AIMP1: variants seen among roughly 807,000 people sequenced by gnomAD.
AIMP1 encodes the protein aminoacyl tRNA synthetase complex interacting multifunctional protein 1.
In AIMP1, 24 loss-of-function variants were observed where a neutral mutation model predicts 33.1. That is an observed-to-expected ratio of 0.73 (90% confidence interval 0.53 to 1.02). The LOEUF (loss-of-function observed/expected upper bound fraction) is 1.02, where lower values mean the gene tolerates loss of function less well. Ranked by LOEUF, AIMP1 falls within the 50% of genes least tolerant of loss-of-function variation. AIMP1 has a pLI of 0.00. For synonymous variants in AIMP1, 120 were observed against 121.5 expected (o/e 0.99, Z 0.08); for missense variants, 367 against 364.8 (o/e 1.01, Z -0.05).
At chr4:106,339,683 G>C (rs766946663) in intron 6 of AIMP1, among the ~76,000 whole-genome samples, 5 of 152,206 alleles carry the variant, frequency 3.3e-5, no homozygotes, top group Non-Finnish European at 7.3e-5. Context: ...TAATACCAGC[G>C]TAGCAGAAAA....
rs900417199 is a variant in AIMP1, at chr4:106,347,813, C to G, written c.*121C>G. 2.0e-5 allele frequency: 21 copies of G among 1,043,162 alleles called. No homozygotes were observed. The highest frequency in any genetic ancestry group is 3.2e-5 in the African/African-American group (2 of 62,014). 64.6% of individuals were successfully genotyped at this position (1,043,162 alleles called of 1,614,324 possible). The stretch of plus-strand genomic sequence containing the variant: ...TTGCATTACTCTCTTCTAGACTTGA[C>G]TAGTCATTTACTTGGTATATATTGT... On this transcript the variant is annotated 3_prime_UTR_variant, in exon 7 of 7. Transcript: ENST00000672341.
rs1167197420 is a variant in AIMP1 at position 106,328,255 on chromosome 4, C to T, written c.391+12C>T. Reference sequence around the variant, plus strand: ...AATTGAAAAGAAAGGTATTTTTGACCTTTAAGCATATTTAGCTCTTGACTG... The same window carrying T: ...AATTGAAAAGAAAGGTATTTTTGACTTTTAAGCATATTTAGCTCTTGACTG... On this transcript the variant is annotated intron_variant, in intron 4 of 6. Transcript: ENST00000672341. 2.5e-6 allele frequency: 4 copies of T among 1,592,228 alleles called. No homozygotes were observed. Among genetic ancestry groups the T allele is most frequent in the Non-Finnish European group, 3.4e-6 (4 of 1,167,708 alleles).
intron 4 of AIMP1, among the ~76,000 whole-genome samples, chr4:106,329,648 C>T (rs73839431): frequency 0.018 from 2,757 of 152,016 alleles, 77 homozygotes; most frequent in African/African-American, 0.061. Context: ...CTGGCAGCTA[C>T]CATATTAGAC....
Position 106,327,205 on chromosome 4 carries a change from G to T in AIMP1, c.110-246G>T, listed in dbSNP as rs1769485070. Among the ~76,000 whole-genome samples, 4 of 152,138 alleles carry T rather than the reference G, an allele frequency of 2.6e-5. No homozygotes were observed. The South Asian group carries it at 8.3e-4, about 31-fold the overall frequency. On this transcript the variant is annotated intron_variant, in intron 2 of 6. Coordinates refer to ENST00000672341, the MANE Select transcript of AIMP1 (RefSeq NM_001142416.2). ...GCATCTTAATAGGAGCTAGGAAAAT[G>T]ATTCATAAACAAAGTCTTTCTGTTT...
At chr4:106,321,275 G>C (rs988374429) in intron 1 of AIMP1, 4 of 156,396 alleles carry the variant, frequency 2.6e-5, no homozygotes, top group African/African-American at 9.8e-5. Context: ...ACCTCTTCCC[G>C]GCCGTCATCC....
chr4:106,347,610 C>T lies in AIMP1; in HGVS notation c.857C>T (p.Ala286Val), dbSNP rs1392023908. 1 of 1,613,184 alleles carries T rather than the reference C, an allele frequency of 6.2e-7. No individual in the cohort carries two copies. The highest frequency in any genetic ancestry group is 8.5e-7 in the Non-Finnish European group (1 of 1,179,618). ...PDLHTNDECV[A>V]TYKGVPFEVK... ...CTTCACACTAATGATGAGTGTGTGG[C>T]TACATACAAAGGAGTTCCCTTTGAG... Residue 286 changes from alanine to valine, a missense_variant, in exon 7 of 7, where the codon GCT becomes GTT. Transcript: ENST00000672341.
chr4:106,327,607 G>A, intron 3 of AIMP1, 43 bp downstream of exon 3: 1 of 1,458,224 alleles, frequency 6.9e-7, no homozygotes, highest in South Asian at 1.2e-5. Flanking sequence ...AAGTTAAGAA[G>A]TTGGCCAGTC....
At chr4:106,345,425 A>G (rs1307815853) in intron 6 of AIMP1, among the ~76,000 whole-genome samples, 1 of 152,186 alleles carries the variant, frequency 6.6e-6, no homozygotes, top group African/African-American at 2.4e-5. Flanking sequence ...CAAGATTATG[A>G]TTATAGATTA....
At chr4:106,316,355 A>G (rs557544879), upstream of AIMP1, 1 of 580,556 alleles carries the variant, frequency 1.7e-6, no homozygotes, top group Non-Finnish European at 3.1e-6. Context: ...GTGCGGGGGG[A>G]CGGGGGGGGT....
intron 5 of AIMP1, among the ~76,000 whole-genome samples, chr4:106,332,558 T>C (rs1769721059): frequency 6.6e-6 from 1 of 150,726 alleles, no homozygotes. Context: ...ATCACCCTCA[T>C]TTACAGATGA....
chr4:106,340,439 G>A (rs996065992), intron 6 of AIMP1, among the ~76,000 whole-genome samples: 5 of 151,946 alleles, frequency 3.3e-5, no homozygotes, highest in Non-Finnish European at 5.9e-5. Context: ...CCCCACTCCC[G>A]ACCTCCCTCC....
intron 1 of AIMP1, among the ~76,000 whole-genome samples, chr4:106,317,109 G>A (rs1169863224): frequency 6.6e-6 from 1 of 152,198 alleles, no homozygotes; most frequent in Non-Finnish European, 1.5e-5. Context: ...TAGTCCTGAA[G>A]AGAAACGTAA....
At chr4:106,327,051 A>G (rs1769480095) in intron 2 of AIMP1, among the ~76,000 whole-genome samples, 1 of 152,162 alleles carries the variant, frequency 6.6e-6, no homozygotes, top group African/African-American at 2.4e-5. Flanking sequence ...TGCTGGGATT[A>G]TGGGATTACA....
At chr4:106,331,952 T>C in intron 5 of AIMP1, 69 bp downstream of exon 5, 1 of 1,422,586 alleles carries the variant, frequency 7.0e-7, no homozygotes, top group Non-Finnish European at 9.9e-7. Flanking sequence ...TTGGTATCTT[T>C]CCATTATAAT....
chr4:106,328,287 C>T (rs1769537998), intron 4 of AIMP1, 44 bp downstream of exon 4: 1 of 1,547,272 alleles, frequency 6.5e-7, no homozygotes, highest in Non-Finnish European at 8.7e-7. Context: ...ACTGGATTAT[C>T]AGAAAATGTC....
intron 6 of AIMP1, among the ~76,000 whole-genome samples, chr4:106,343,854 A>G (rs1206410242): frequency 6.6e-6 from 1 of 152,194 alleles, no homozygotes; most frequent in Non-Finnish European, 1.5e-5. Flanking sequence ...GCTTATTTCT[A>G]TTGATATCGA....
chr4:106,326,097 T>C (rs1353248267), intron 2 of AIMP1, among the ~76,000 whole-genome samples: 3 of 152,144 alleles, frequency 2.0e-5, no homozygotes, highest in African/African-American at 7.2e-5. Flanking sequence ...GATAGTGATA[T>C]AGATGATTTA....
At chr4:106,330,962 A>G (rs1019344085) in intron 4 of AIMP1, among the ~76,000 whole-genome samples, 4 of 152,206 alleles carry the variant, frequency 2.6e-5, no homozygotes, top group Non-Finnish European at 5.9e-5. Flanking sequence ...CAGCAAATAA[A>G]TAAAAATATA....
chr4:106,337,098 A>T (rs1769914074), intron 6 of AIMP1, 61 bp downstream of exon 6: 1 of 1,444,646 alleles, frequency 6.9e-7, no homozygotes, highest in Admixed American at 1.7e-5. Context: ...TGATGTTTGT[A>T]ATGCTTAAAG....
Sources: gnomAD v4.1 joint callset for allele counts (sites outside exome capture counted in the v4.1 genomes callset) on GRCh38, gnomAD v4.1.1 for gene constraint, MANE v1.5 for transcripts, NCBI Gene and HGNC (gene_info 2026-07-23, HGNC 2026-07-21) for gene names.